Variants in SGMS1 observed in about 807,000 individuals in gnomAD.
SGMS1 encodes sphingomyelin synthase 1, also known as phosphatidylcholine:ceramide cholinephosphotransferase 1.
In SGMS1, 13 loss-of-function variants were observed where a neutral mutation model predicts 46.2. The observed-to-expected ratio is 0.28, with a 90% confidence interval of 0.18 to 0.45. The LOEUF (loss-of-function observed/expected upper bound fraction) is 0.45. Among genes scored for constraint, SGMS1 ranks in the 20% least tolerant of loss-of-function variants. The pLI is 1.00. For synonymous variants in SGMS1, 203 were observed against 187.8 expected, an observed-to-expected ratio of 1.08 and a Z score of -0.66; for missense variants, 324 against 519.9, an observed-to-expected ratio of 0.62 and a Z score of 3.66.
At chr10:50,456,659 G>T (rs936377060) in intron 5 of SGMS1, among the ~76,000 whole-genome samples, 1 of 152,088 alleles carries the variant, frequency 6.6e-6, no homozygotes, top group African/African-American at 2.4e-5. Context: ...GACACCTGGG[G>T]TTTCCTCAGG....
intron 5 of SGMS1, among the ~76,000 whole-genome samples, chr10:50,442,035 T>G (rs1184293728): frequency 6.6e-6 from 1 of 152,224 alleles, no homozygotes; most frequent in Non-Finnish European, 1.5e-5. Context: ...AAGACATTCA[T>G]TAACTTGCTT....
chr10:50,571,170 AT>A lies in SGMS1; in HGVS notation c.-589+18982del, dbSNP rs1402330459. 9.2e-5 allele frequency among the ~76,000 whole-genome samples: 14 copies of A among 152,308 alleles called. No homozygotes were observed. In the East Asian group the frequency reaches 2.1e-3, roughly 23 times the overall value. On this transcript the variant is annotated intron_variant, in intron 2 of 10. Transcript: ENST00000361781. ...AGAATAACCAATAGCTGCCTAATAA[AT>A]TTTTTTATAAACAAATACTTTTTCC... is the stretch of plus-strand genomic sequence containing the variant.
At chr10:50,608,980 A>T (rs775129897) in intron 1 of SGMS1, among the ~76,000 whole-genome samples, 1 of 152,152 alleles carries the variant, frequency 6.6e-6, no homozygotes, top group African/African-American at 2.4e-5. Flanking sequence ...GTTATGCTAT[A>T]ATTTTTTGTT....
At chr10:50,399,869 A>G (rs1848905907) in intron 6 of SGMS1, among the ~76,000 whole-genome samples, 1 of 152,018 alleles carries the variant, frequency 6.6e-6, no homozygotes, top group Non-Finnish European at 1.5e-5. Context: ...TCTACTAAAA[A>G]TATAAAAAAA....
At chr10:50,431,386 G>C (rs988091541) in intron 6 of SGMS1, among the ~76,000 whole-genome samples, 2 of 152,262 alleles carry the variant, frequency 1.3e-5, no homozygotes, top group African/African-American at 4.8e-5. Flanking sequence ...AATATCCAAG[G>C]CATTTTTGTA....
intron 7 of SGMS1, among the ~76,000 whole-genome samples, chr10:50,336,751 A>T (rs1320900597): frequency 6.6e-6 from 1 of 152,176 alleles, no homozygotes; most frequent in African/African-American, 2.4e-5. Flanking sequence ...AAAATATGCC[A>T]CTGTAGGATT....
chr10:50,447,551 T>C (rs1837036812), intron 5 of SGMS1, among the ~76,000 whole-genome samples: 2 of 152,176 alleles, frequency 1.3e-5, no homozygotes, highest in Non-Finnish European at 2.9e-5. Context: ...AAAATTATTT[T>C]ATTAACTATC....
At chr10:50,490,754 CA>C (rs943991337) in intron 3 of SGMS1, among the ~76,000 whole-genome samples, 4 of 151,940 alleles carry the variant, frequency 2.6e-5, no homozygotes, top group African/African-American at 7.3e-5. Context: ...ATAAAACAGG[CA>C]AAAAAATTGC....
At chr10:50,587,633 A>ATATG (rs760688384) in intron 2 of SGMS1, among the ~76,000 whole-genome samples, 8,303 of 138,202 alleles carry the variant, frequency 0.06, 490 homozygotes, top group East Asian at 0.21. Context: ...CAAAATATAT[A>ATATG]TGTGTGTGTG....
At chr10:50,568,146 T>C (rs891330141) in intron 2 of SGMS1, among the ~76,000 whole-genome samples, 13 of 152,184 alleles carry the variant, frequency 8.5e-5, no homozygotes, top group Admixed American at 3.3e-4. Flanking sequence ...ACAAAAAGCA[T>C]CTAGTACCAT....
chr10:50,537,641 C>T (rs1217439396), intron 2 of SGMS1, among the ~76,000 whole-genome samples: 4 of 150,266 alleles, frequency 2.7e-5, no homozygotes, highest in African/African-American at 7.3e-5. Context: ...CAACAGGCCC[C>T]GGTGTGTGAT....
chr10:50,358,456 G>C (rs1253855598), intron 6 of SGMS1, among the ~76,000 whole-genome samples: 1 of 152,256 alleles, frequency 6.6e-6, no homozygotes. Flanking sequence ...CACACATTTT[G>C]GGAGGCTGAG....
At chr10:50,512,917 A>G (rs1837769831) in intron 3 of SGMS1, among the ~76,000 whole-genome samples, 2 of 152,156 alleles carry the variant, frequency 1.3e-5, no homozygotes, top group Non-Finnish European at 2.9e-5. Context: ...AGCCAGCCAC[A>G]CTTACCCACT....
chr10:50,539,243 G>A (rs1025795633), intron 2 of SGMS1, among the ~76,000 whole-genome samples: 8 of 152,224 alleles, frequency 5.3e-5, no homozygotes, highest in Admixed American at 2.6e-4. Flanking sequence ...TGTGTCAGCT[G>A]TGGTCAAAGG....
At chr10:50,442,423 G>A (rs1849557903) in intron 5 of SGMS1, among the ~76,000 whole-genome samples, 1 of 151,846 alleles carries the variant, frequency 6.6e-6, no homozygotes, top group Admixed American at 6.6e-5. Flanking sequence ...CCACTTGTAA[G>A]TGAGAACATG....
chr10:50,375,478 G>C (rs1385990789), intron 6 of SGMS1, among the ~76,000 whole-genome samples: 1 of 152,204 alleles, frequency 6.6e-6, no homozygotes, highest in Admixed American at 6.5e-5. Flanking sequence ...AAGACAGGGG[G>C]TGAGAGCACT....
intron 6 of SGMS1, among the ~76,000 whole-genome samples, chr10:50,388,470 C>CT (rs527546427): frequency 7.1e-5 from 8 of 113,230 alleles, no homozygotes; most frequent in Non-Finnish European, 1.2e-4. Context: ...CCTGTCTCTA[C>CT]TAAAAAAAAA....
intron 2 of SGMS1, among the ~76,000 whole-genome samples, chr10:50,535,792 G>A (rs1010592483): frequency 3.3e-5 from 5 of 152,204 alleles, no homozygotes; most frequent in East Asian, 1.9e-4. Flanking sequence ...TCACACCTCT[G>A]ATTCAGCCAC....
intron 3 of SGMS1, among the ~76,000 whole-genome samples, chr10:50,495,024 A>G (rs1033041403): frequency 4.8e-5 from 7 of 145,102 alleles, no homozygotes; most frequent in Non-Finnish European, 7.5e-5. Context: ...CGACAGAGCG[A>G]GACTCCGTCT....
Sources: allele counts gnomAD v4.1 joint callset (sites outside exome capture counted in the v4.1 genomes callset), GRCh38; gene constraint gnomAD v4.1.1; transcripts MANE v1.5; gene names NCBI Gene and HGNC (gene_info 2026-07-23, HGNC 2026-07-21).